The following MYPN variants were observed in gnomAD, a reference collection of about 807,000 sequenced individuals.
MYPN encodes myopalladin.
MYPN carries 63 observed loss-of-function variants against 129.4 expected under a neutral mutation model. That is an observed-to-expected ratio of 0.49 (90% CI 0.40 to 0.60). MYPN has a LOEUF of 0.60. MYPN is among the 20% of genes least tolerant of loss of function. MYPN has a pLI of 0.00. For synonymous variants in MYPN, 629 were observed against 600.9 expected, an observed-to-expected ratio of 1.05 and a Z score of -0.68; for missense variants, 1,596 against 1,635.4, an observed-to-expected ratio of 0.98 and a Z score of 0.42.
intron 18 of MYPN, among the ~76,000 whole-genome samples, chr10:68,205,516 C>CA (rs35907393): frequency 0.037 from 5,036 of 134,596 alleles, 290 homozygotes; most frequent in African/African-American, 0.13. Flanking sequence ...CTATTTCTAC[C>CA]AAAAAAAAAA....
At chr10:68,090,164 T>A (rs1286253722) in intron 1 of MYPN, among the ~76,000 whole-genome samples, 2 of 152,066 alleles carry the variant, frequency 1.3e-5, no homozygotes, top group South Asian at 4.1e-4. Context: ...TACTACTCAA[T>A]GAACACTTTT....
intron 8 of MYPN, among the ~76,000 whole-genome samples, chr10:68,164,665 T>C (rs2043027744): frequency 1.3e-5 from 2 of 152,240 alleles, no homozygotes; most frequent in South Asian, 2.1e-4. Context: ...TGCTGTCTTA[T>C]ACCTCCTCTT....
chr10:68,102,786 C>G (rs1451132529), upstream of MYPN, among the ~76,000 whole-genome samples: 1 of 152,118 alleles, frequency 6.6e-6, no homozygotes, highest in African/African-American at 2.4e-5. Flanking sequence ...ACAATATTGT[C>G]AGGCCAGTGG....
Position 68,197,202 on chromosome 10 carries a change from A to G in MYPN, c.3159-150A>G, listed in dbSNP as rs920402828. The G allele has an allele frequency of 6.9e-6, 5 of 725,550 alleles. No homozygotes were observed. In the East Asian group the frequency reaches 9.1e-5, roughly 13 times the overall value. The allele number at this position is 725,550 out of a possible 1,614,324, so 44.9% of individuals were successfully genotyped here. Reference sequence around the variant, plus strand: ...TTGTGTTTTACATCAGCTCCACACCATTATTTATTGTTTATAGTCCAGCCT... The same window carrying G: ...TTGTGTTTTACATCAGCTCCACACCGTTATTTATTGTTTATAGTCCAGCCT... On this transcript the variant is annotated intron_variant, in intron 15 of 19. Coordinates refer to ENST00000358913, the MANE Select transcript of MYPN (RefSeq NM_032578.4).
chr10:68,165,993 G>A (rs1386627476), intron 9 of MYPN, among the ~76,000 whole-genome samples, 175 bp downstream of exon 9: 1 of 152,032 alleles, frequency 6.6e-6, no homozygotes, highest in Non-Finnish European at 1.5e-5. Flanking sequence ...ACTTCTTATT[G>A]CGCTTACAGC....
intron 7 of MYPN, among the ~76,000 whole-genome samples, chr10:68,159,581 A>G (rs1264598379): frequency 6.6e-6 from 1 of 152,172 alleles, no homozygotes; most frequent in African/African-American, 2.4e-5. Context: ...TTATCGCACA[A>G]TGCTTTCACC....
intron 2 of MYPN, 48 bp from the exon 3 acceptor site, chr10:68,142,892 T>A (rs1334822952): frequency 6.4e-7 from 1 of 1,551,442 alleles, no homozygotes. Context: ...TCTATGTTAT[T>A]GTCTTGCATT....
At chr10:68,150,502 G>A (rs2042751187) in intron 6 of MYPN, among the ~76,000 whole-genome samples, 1 of 152,044 alleles carries the variant, frequency 6.6e-6, no homozygotes, top group South Asian at 2.1e-4. Context: ...GCTCTTAGGA[G>A]GTTTAACATA....
rs143076165 is a variant in MYPN at position 68,151,502 on chromosome 10, C to T, written c.1317+1391C>T. ...GAGGAGTTATAGGTGGACCTTTATGCGGGGGGGTGTATGTGTGTTTGTAAC... is the reference window on the plus strand; with the variant it reads ...GAGGAGTTATAGGTGGACCTTTATGTGGGGGGGTGTATGTGTGTTTGTAAC... On this transcript the variant is annotated intron_variant, in intron 6 of 19. Transcript: ENST00000358913. Among the ~76,000 whole-genome samples, 558 of 152,084 alleles carry T rather than the reference C, an allele frequency of 3.7e-3. 1 individual carries two copies. Among genetic ancestry groups the T allele is most frequent in the African/African-American group, 0.012 (482 of 41,506 alleles).
chr10:68,147,673 C>T (rs1168411850), intron 4 of MYPN, among the ~76,000 whole-genome samples: 1 of 152,174 alleles, frequency 6.6e-6, no homozygotes, highest in East Asian at 1.9e-4. Flanking sequence ...GAGCCGTTTA[C>T]CGAGAGAGAT....
chr10:68,182,358 A>AAC (rs201494932), intron 12 of MYPN, among the ~76,000 whole-genome samples: 5 of 96,348 alleles, frequency 5.2e-5, no homozygotes, highest in East Asian at 5.2e-4. Flanking sequence ...ACATATATAT[A>AAC]ACACATATAT....
intron 19 of MYPN, among the ~76,000 whole-genome samples, chr10:68,210,052 A>C (rs956705182): frequency 6.6e-6 from 1 of 152,166 alleles, no homozygotes; most frequent in African/African-American, 2.4e-5. Flanking sequence ...CTGAATTAGA[A>C]TCACAGATTT....
At chr10:68,160,444 A>C (rs905339723) in intron 7 of MYPN, among the ~76,000 whole-genome samples, 5 of 150,882 alleles carry the variant, frequency 3.3e-5, no homozygotes, top group African/African-American at 1.2e-4. Context: ...AAAAAAAAAA[A>C]AAAAAAAAAA....
At chr10:68,089,871 G>T (rs1438871074) in intron 1 of MYPN, among the ~76,000 whole-genome samples, 1 of 152,092 alleles carries the variant, frequency 6.6e-6, no homozygotes, top group Non-Finnish European at 1.5e-5. Flanking sequence ...TTACAGTAAT[G>T]ATAATTTTCA....
intron 1 of MYPN, among the ~76,000 whole-genome samples, chr10:68,097,893 T>C (rs1176062618): frequency 6.6e-6 from 1 of 152,246 alleles, no homozygotes; most frequent in Non-Finnish European, 1.5e-5. Context: ...AAAGAGGTGA[T>C]GTCCCTTTCT....
chr10:68,114,617 G>A (rs1413152599), intron 1 of MYPN, among the ~76,000 whole-genome samples: 40 of 152,066 alleles, frequency 2.6e-4, no homozygotes, highest in Non-Finnish European at 4.4e-5. Flanking sequence ...CCAAAGTGCA[G>A]GGATTACAGG....
intron 2 of MYPN, among the ~76,000 whole-genome samples, chr10:68,126,645 CAGA>C (rs1365259639): frequency 6.6e-6 from 1 of 152,114 alleles, no homozygotes; most frequent in Non-Finnish European, 1.5e-5. Flanking sequence ...TGACACACCA[CAGA>C]AGAAGGATGG....
chr10:68,095,349 CA>C (rs34153833), intron 1 of MYPN, among the ~76,000 whole-genome samples: 13,931 of 114,450 alleles, frequency 0.12, 1,307 homozygotes, highest in East Asian at 0.41. Flanking sequence ...GTCCCTGTCT[CA>C]AAAAAAAAAA....
chr10:68,187,431 A>G (rs1449187484), intron 12 of MYPN, among the ~76,000 whole-genome samples: 1 of 152,154 alleles, frequency 6.6e-6, no homozygotes, highest in Non-Finnish European at 1.5e-5. Context: ...ATTTTACTTT[A>G]CAAAAGTGCA....
Sources: gnomAD v4.1 joint callset for allele counts (sites outside exome capture counted in the v4.1 genomes callset) on GRCh38, gnomAD v4.1.1 for gene constraint, MANE v1.5 for transcripts, NCBI Gene and HGNC (gene_info 2026-07-23, HGNC 2026-07-21) for gene names.